FAM227A: variants seen among roughly 807,000 people sequenced by gnomAD.
FAM227A encodes family with sequence similarity 227 member A.
FAM227A carries 80 observed loss-of-function variants against 74.7 expected under a neutral mutation model. The ratio of observed to expected loss-of-function variants is 1.07; its 90% confidence interval spans 0.89 to 1.29. The LOEUF is 1.29. FAM227A is among the 50% of genes most tolerant of loss of function. The pLI, the probability that FAM227A is intolerant of heterozygous loss-of-function variation, is 0.00. For missense variants in FAM227A, 654 were observed against 683.4 expected (o/e 0.96, Z 0.48); for synonymous variants, 237 against 241.8 (o/e 0.98, Z 0.19).
rs190362083 is a variant in FAM227A, at chr22:38,593,263, G to A, written c.1533-1723C>T. ...CTCACGCCTATAATCCCAGCACTTC[G>A]GGAGGCTGAGGCAGGCAGATTACAA... On this transcript the variant is annotated intron_variant, in intron 15 of 16. Coordinates refer to ENST00000535113, the MANE Select transcript of FAM227A (RefSeq NM_001013647.2). 7.2e-5 allele frequency among the ~76,000 whole-genome samples: 11 copies of A among 152,332 alleles called. No individual in the cohort carries two copies. In the East Asian group the frequency reaches 1.5e-3, roughly 21 times the overall value.
At position 38,645,651 on chromosome 22, in the gene FAM227A, A is replaced by C. The variant is rs909507714; in HGVS notation, c.143-6T>G. The C allele has an allele frequency of 6.5e-7, 1 of 1,546,098 alleles. No individual in the cohort carries two copies. The highest frequency in any genetic ancestry group is 1.4e-5 in the African/African-American group (1 of 72,872). On this transcript the variant is annotated splice_polypyrimidine_tract_variant and splice_region_variant and intron_variant, in intron 2 of 16. Transcript: ENST00000535113. ...CATGGAGCCAATAAGGCATGCTGGG[A>C]GGTTAGTCTGCTAAGGAAACTCAGG...
rs534096462 is a variant in FAM227A at position 38,606,969 on chromosome 22, G to C, written c.1126+420C>G. Among the ~76,000 whole-genome samples, 10 of 152,198 alleles carry C rather than the reference G, an allele frequency of 6.6e-5. No individual in the cohort carries two copies. The South Asian group carries it at 2.1e-3, about 32-fold the overall frequency. On this transcript the variant is annotated intron_variant, in intron 12 of 16. Transcript: ENST00000535113. ...CGAGGCGGGAGGATCATGAGGTCAG[G>C]AGTTCGAGACCAGCCTGGCCAACAT...
At chr22:38,642,247 C>T (rs530072060) in intron 3 of FAM227A, among the ~76,000 whole-genome samples, 74 of 152,146 alleles carry the variant, frequency 4.9e-4, no homozygotes, top group Non-Finnish European at 6.8e-4. Flanking sequence ...TGCCAACTGG[C>T]AGGAGAATAA....
intron 11 of FAM227A, chr22:38,618,661 A>G (rs1368656366): frequency 2.6e-5 from 4 of 152,122 alleles, no homozygotes; most frequent in Non-Finnish European, 4.4e-5. Flanking sequence ...CAGAGGGTAG[A>G]TAAAAGGTTT....
chr22:38,605,185 A>T, intron 13 of FAM227A, 69 bp downstream of exon 13: 1 of 885,898 alleles, frequency 1.1e-6, no homozygotes. Flanking sequence ...GTTAATTATC[A>T]TTTTCTTACC....
At chr22:38,623,141 A>C in intron 10 of FAM227A, 31 bp downstream of exon 10, 2 of 1,451,662 alleles carry the variant, frequency 1.4e-6, no homozygotes, top group Non-Finnish European at 1.9e-6. Flanking sequence ...GCAGTGGCAA[A>C]GAAGGCGGGA....
At chr22:38,631,180 C>A (rs2091908669) in intron 6 of FAM227A, among the ~76,000 whole-genome samples, 1 of 152,000 alleles carries the variant, frequency 6.6e-6, no homozygotes, top group Admixed American at 6.6e-5. Context: ...AAAAACAAAA[C>A]AAAACAAAAA....
rs370336909 is a variant in FAM227A at position 38,638,743 on chromosome 22, T to C, written c.372+3A>G. On this transcript the variant is annotated splice_donor_region_variant and intron_variant, in intron 5 of 16. Coordinates refer to ENST00000535113, the MANE Select transcript of FAM227A (RefSeq NM_001013647.2). ...GAAACAGACACAGCAGTAGATCCCT[T>C]ACCCTTTTTATAACAGAAGATCTGG... 6.4e-5 allele frequency: 99 copies of C among 1,546,082 alleles called. No homozygotes were observed. In the African/African-American group the frequency reaches 1.3e-3, roughly 20 times the overall value.
intron 11 of FAM227A, among the ~76,000 whole-genome samples, chr22:38,616,075 T>C (rs1242601456): frequency 6.6e-6 from 1 of 151,844 alleles, no homozygotes; most frequent in Non-Finnish European, 1.5e-5. Flanking sequence ...GTAGATACAG[T>C]AAGGAAGGGG....
In FAM227A at chr22:38,578,316, A is replaced by G. The variant is rs1310792768; in HGVS notation, c.*7809T>C. On this transcript the variant is annotated 3_prime_UTR_variant, in exon 17 of 17. Transcript: ENST00000535113. ...AGTTCCATTATAATCTTATGGGACCACCGTCATATATTCAGTCAGCTGCTG... is the reference window on the plus strand; with the variant it reads ...AGTTCCATTATAATCTTATGGGACCGCCGTCATATATTCAGTCAGCTGCTG... 6.6e-6 allele frequency: 1 copy of G among 152,182 alleles called. No homozygotes were observed. Among genetic ancestry groups the G allele is most frequent in the Non-Finnish European group, 1.5e-5 (1 of 68,052 alleles). The allele number at this position is 152,182 out of a possible 1,614,324, so 9.4% of individuals were successfully genotyped here.
chr22:38,639,135 C>A (rs1407207648), intron 4 of FAM227A, among the ~76,000 whole-genome samples: 1 of 152,096 alleles, frequency 6.6e-6, no homozygotes, highest in Non-Finnish European at 1.5e-5. Flanking sequence ...AGGGGCCGGG[C>A]ACAGTGGCTC....
intron 11 of FAM227A, among the ~76,000 whole-genome samples, chr22:38,609,182 G>A (rs1029473682): frequency 2.2e-4 from 34 of 152,308 alleles, no homozygotes; most frequent in Non-Finnish European, 4.6e-4. Context: ...AAAGGACAAA[G>A]AGATAAAGCT....
intron 3 of FAM227A, among the ~76,000 whole-genome samples, chr22:38,641,997 G>A (rs1272433684): frequency 1.3e-5 from 2 of 152,010 alleles, no homozygotes; most frequent in Non-Finnish European, 2.9e-5. Flanking sequence ...GTGCGCGTGT[G>A]TTTGAGAATT....
chr22:38,644,738 T>C (rs2092196299), intron 3 of FAM227A, among the ~76,000 whole-genome samples: 1 of 152,102 alleles, frequency 6.6e-6, no homozygotes. Context: ...GCAGAGGGTG[T>C]ATGAAAAAAG....
Position 38,607,369 on chromosome 22 carries a change from C to T in FAM227A, c.1126+20G>A, listed in dbSNP as rs1227737777. On this transcript the variant is annotated intron_variant, in intron 12 of 16. Transcript: ENST00000535113. ...AACTAAGCCAAAAGCCTACATTTCC[C>T]TTTTTGGTAGTCAATATACCTTTTG... is the stretch of plus-strand genomic sequence containing the variant. 12 of 1,525,408 alleles carry T rather than the reference C, an allele frequency of 7.9e-6. No individual in the cohort carries two copies. Among genetic ancestry groups the T allele is most frequent in the African/African-American group, 1.4e-5 (1 of 72,300 alleles). The allele number at this position is 1,525,408 out of a possible 1,614,324, so 94.5% of individuals were successfully genotyped here.
In FAM227A at chr22:38,583,080, A is replaced by C; in HGVS notation, c.*3045T>G. 1 of 1,022,052 alleles carries C rather than the reference A, an allele frequency of 9.8e-7. No individual in the cohort carries two copies. Among genetic ancestry groups the C allele is most frequent in the Non-Finnish European group, 1.4e-6 (1 of 695,442 alleles). 63.3% of individuals were successfully genotyped at this position (1,022,052 alleles called of 1,614,324 possible). On this transcript the variant is annotated 3_prime_UTR_variant, in exon 17 of 17. Coordinates refer to ENST00000535113, the MANE Select transcript of FAM227A (RefSeq NM_001013647.2). ...AGAGTTGACAGTGGCTGGGGTAGTA[A>C]AGGGAAGGTGAGAGAGTGTTCTGCT...
In FAM227A at chr22:38,616,960, T is replaced by G. The variant is rs560440705; in HGVS notation, c.1038+3252A>C. 3.7e-3 allele frequency among the ~76,000 whole-genome samples: 561 copies of G among 151,546 alleles called. 2 individuals carry two copies. The highest frequency in any genetic ancestry group is 8.5e-3 in the Admixed American group (129 of 15,218). ...AGAGGGGGGCAGGCTGTCTTGGTGG[T>G]GGGAAGGCACGGGCCTTCCTGCTGA... On this transcript the variant is annotated intron_variant, in intron 11 of 16. Transcript: ENST00000535113.
At chr22:38,632,084 A>G (rs1298209317) in intron 6 of FAM227A, among the ~76,000 whole-genome samples, 2 of 151,936 alleles carry the variant, frequency 1.3e-5, no homozygotes, top group African/African-American at 2.4e-5. Context: ...CAAGACGGCG[A>G]GCCCTGGAGG....
intron 13 of FAM227A, among the ~76,000 whole-genome samples, chr22:38,603,823 G>C (rs2091226737): frequency 2.0e-5 from 3 of 152,126 alleles, no homozygotes; most frequent in South Asian, 4.2e-4. Context: ...GGAATAGAGT[G>C]ACCCCTGGTG....
Sources: allele counts gnomAD v4.1 joint callset (sites outside exome capture counted in the v4.1 genomes callset), GRCh38; gene constraint gnomAD v4.1.1; transcripts MANE v1.5; gene names NCBI Gene and HGNC (gene_info 2026-07-23, HGNC 2026-07-21).